Variants in MYO9A observed in about 807,000 individuals in gnomAD.
The protein encoded by MYO9A is unconventional myosin-IXa.
Under a neutral mutation model 293.3 loss-of-function variants are expected in MYO9A, and 103 were observed. That is an observed-to-expected ratio of 0.35 (90% CI 0.30 to 0.41). The LOEUF is 0.41. Ranked by LOEUF, MYO9A falls within the 10% of genes least tolerant of loss-of-function variation. The pLI is 1.00. For synonymous variants in MYO9A, 1,001 were observed against 1,035.7 expected, an observed-to-expected ratio of 0.97 and a Z score of 0.64; for missense variants, 2,685 against 3,033.0, an observed-to-expected ratio of 0.89 and a Z score of 2.69.
chr15:71,852,092 A>C, intron 36 of MYO9A, 40 bp downstream of exon 36: 1 of 1,561,566 alleles, frequency 6.4e-7, no homozygotes, highest in Non-Finnish European at 8.7e-7. Context: ...TTCTTTCCCA[A>C]CTATAGGCCT....
chr15:71,862,167 G>C (rs978902242), intron 33 of MYO9A, among the ~76,000 whole-genome samples: 8 of 152,030 alleles, frequency 5.3e-5, no homozygotes, highest in Admixed American at 5.2e-4. Flanking sequence ...TTGGGGACAA[G>C]GTGGCATTTA....
Position 71,945,667 on chromosome 15 carries a change from TTCACACTTCCTATATTAATGA to T in MYO9A, c.2302+6089_2302+6109del, listed in dbSNP as rs1567303025. ...TTCCTTAAATAGGAAGTGTGATTCC[TTCACACTTCCTATATTAATGA>T]ATTTGTTGACTACTTCTTTTCAATC... On this transcript the variant is annotated intron_variant, in intron 15 of 41. Coordinates refer to ENST00000356056, the MANE Select transcript of MYO9A (RefSeq NM_006901.4). 2.3e-4 allele frequency among the ~76,000 whole-genome samples: 35 copies of T among 152,182 alleles called. 1 individual carries two copies. Among genetic ancestry groups the T allele is most frequent in the Non-Finnish European group, 4.6e-4 (31 of 68,026 alleles).
intron 5 of MYO9A, 116 bp from the exon 6 acceptor site, chr15:72,019,211 T>C (rs1017662399): frequency 2.4e-6 from 2 of 821,140 alleles, no homozygotes; most frequent in East Asian, 2.6e-5. Context: ...TTATTTTGCA[T>C]AGCAGCATAA....
At chr15:71,937,231 G>A (rs2058666422) in intron 16 of MYO9A, among the ~76,000 whole-genome samples, 1 of 152,128 alleles carries the variant, frequency 6.6e-6, no homozygotes, top group Admixed American at 6.6e-5. Flanking sequence ...CAGGGTTTGA[G>A]AGGATTGACT....
At chr15:71,989,331 T>A (rs1241834382) in intron 11 of MYO9A, among the ~76,000 whole-genome samples, 1 of 152,196 alleles carries the variant, frequency 6.6e-6, no homozygotes, top group East Asian at 1.9e-4. Context: ...AGCTCCTCTA[T>A]CTCATCCTAG....
At chr15:72,086,737 C>T (rs531718287) in intron 1 of MYO9A, among the ~76,000 whole-genome samples, 3 of 122,418 alleles carry the variant, frequency 2.5e-5, no homozygotes, top group African/African-American at 6.0e-5. Context: ...GCATATCCAC[C>T]GGGGCTGTTT....
chr15:71,889,784 C>CA (rs1454630522), intron 26 of MYO9A: 1 of 152,142 alleles, frequency 6.6e-6, no homozygotes, highest in Non-Finnish European at 1.5e-5. Flanking sequence ...AACTACACCA[C>CA]AAAAAAGTAC....
intron 8 of MYO9A, among the ~76,000 whole-genome samples, chr15:72,000,384 T>C (rs2076829001): frequency 6.6e-6 from 1 of 152,232 alleles, no homozygotes; most frequent in Admixed American, 6.5e-5. Flanking sequence ...AATATACTTA[T>C]GTTTCAGATA....
At chr15:71,912,215 A>G (rs1419259284) in intron 19 of MYO9A, among the ~76,000 whole-genome samples, 1 of 151,366 alleles carries the variant, frequency 6.6e-6, no homozygotes, top group Non-Finnish European at 1.5e-5. Flanking sequence ...ACAATATACT[A>G]TTATTTTTGT....
At chr15:71,862,371 T>C (rs967414548) in intron 33 of MYO9A, 129 bp downstream of exon 33, 38 of 689,412 alleles carry the variant, frequency 5.5e-5, no homozygotes, top group Non-Finnish European at 7.7e-5. Context: ...GAAGAGAGTA[T>C]AGCAAGAGAT....
At chr15:71,856,716 C>CATTTCAAAAT (rs1158519384) in intron 34 of MYO9A, among the ~76,000 whole-genome samples, 1 of 152,144 alleles carries the variant, frequency 6.6e-6, no homozygotes, top group Non-Finnish European at 1.5e-5. Flanking sequence ...GTATTAATTT[C>CATTTCAAAAT]ATGTCTATTT....
chr15:71,851,985 A>G, intron 36 of MYO9A, 147 bp downstream of exon 36: 1 of 936,570 alleles, frequency 1.1e-6, no homozygotes, highest in East Asian at 2.7e-5. Flanking sequence ...GTGACAGTAT[A>G]CTAGCCGTTT....
chr15:71,920,988 G>A (rs538631381), intron 18 of MYO9A, among the ~76,000 whole-genome samples: 64 of 152,204 alleles, frequency 4.2e-4, no homozygotes, highest in African/African-American at 1.4e-3. Context: ...CTATAAAAAC[G>A]TACTAGGGGA....
At chr15:71,988,839 A>G (rs1359251648) in intron 11 of MYO9A, among the ~76,000 whole-genome samples, 2 of 152,196 alleles carry the variant, frequency 1.3e-5, no homozygotes, top group Non-Finnish European at 2.9e-5. Flanking sequence ...GTTTGGAGAA[A>G]AAGTCCACAT....
chr15:71,955,665 T>G (rs1472930963), intron 14 of MYO9A, among the ~76,000 whole-genome samples: 1 of 152,236 alleles, frequency 6.6e-6, no homozygotes, highest in Non-Finnish European at 1.5e-5. Flanking sequence ...TTTTATATGT[T>G]TGTAACAGTT....
At chr15:71,928,902 A>AG (rs1053078618) in intron 18 of MYO9A, among the ~76,000 whole-genome samples, 1 of 54,990 alleles carries the variant, frequency 1.8e-5, no homozygotes, top group Non-Finnish European at 3.8e-5. Flanking sequence ...CATCTCTACG[A>AG]GAAAAAAAAA....
intron 11 of MYO9A, among the ~76,000 whole-genome samples, chr15:71,987,192 G>A (rs1440209564): frequency 2.0e-5 from 3 of 152,120 alleles, no homozygotes; most frequent in Non-Finnish European, 4.4e-5. Flanking sequence ...CTAGGTTTGT[G>A]TAAATACAGG....
chr15:71,893,730 T>C lies in MYO9A; in HGVS notation c.5091A>G (p.Glu1697=), dbSNP rs771177839. The change falls in exon 26 of 42, where the codon GAA becomes GAG. Residue 1697 remains glutamate, a synonymous_variant. Transcript: ENST00000356056. ...LNSKNPQLHK[E]DEPAWKPVKL... is the part of the protein sequence containing the mutation. ...TCACAGGTTTCCATGCTGGTTCATCTTCTTTATGGAGTTGAGGATTTTTAC... is the reference window on the plus strand; with the variant it reads ...TCACAGGTTTCCATGCTGGTTCATCCTCTTTATGGAGTTGAGGATTTTTAC... The C allele has an allele frequency of 1.2e-5, 20 of 1,614,070 alleles. No homozygotes were observed. In the South Asian group the frequency reaches 2.2e-4, roughly 18 times the overall value.
At chr15:71,830,909 T>G (rs2054695736) in intron 39 of MYO9A, among the ~76,000 whole-genome samples, 1 of 151,500 alleles carries the variant, frequency 6.6e-6, no homozygotes, top group South Asian at 2.1e-4. Context: ...GCTAGTGAGA[T>G]ATATTTTCTT....
Sources: allele counts gnomAD v4.1 joint callset (sites outside exome capture counted in the v4.1 genomes callset), GRCh38; gene constraint gnomAD v4.1.1; transcripts MANE v1.5; gene names NCBI Gene and HGNC (gene_info 2026-07-23, HGNC 2026-07-21).